Variants in ALPK2 observed in about 807,000 individuals in gnomAD.
ALPK2 encodes the protein alpha-protein kinase 2.
Under a neutral mutation model 163.1 loss-of-function variants are expected in ALPK2, and 127 were observed. The ratio of observed to expected loss-of-function variants is 0.78; its 90% CI spans 0.67 to 0.90. ALPK2 has a LOEUF of 0.90. Ranked by LOEUF, ALPK2 falls within the 40% of genes least tolerant of loss-of-function variation. The pLI is 0.00. For missense variants in ALPK2, 2,360 were observed against 2,589.6 expected (o/e 0.91, Z 1.92); for synonymous variants, 953 against 959.1 (o/e 0.99, Z 0.12).
intron 1 of ALPK2, among the ~76,000 whole-genome samples, 172 bp from the exon 2 acceptor site, chr18:58,611,989 G>T (rs965646336): frequency 3.3e-5 from 5 of 152,178 alleles, no homozygotes; most frequent in African/African-American, 1.2e-4. Flanking sequence ...CTGGTAGGTG[G>T]GCTGGATCCT....
rs74662894 is a variant in ALPK2, at chr18:58,518,365, G to A, written c.5666-1183C>T. Among the ~76,000 whole-genome samples the A allele has an allele frequency of 2.5e-3, 386 of 152,282 alleles. 14 individuals are homozygous for A. In the East Asian group the frequency reaches 0.068, roughly 27 times the overall value. ...ACTGCCAGAAAGAAAGAAAGGGAGT[G>A]GGGTTTGGTGGATTTTCAAACAGAA... On this transcript the variant is annotated intron_variant, in intron 8 of 12. Transcript: ENST00000361673.
In ALPK2 at chr18:58,524,062, A is replaced by G; in HGVS notation, c.5502T>C (p.Ser1834=). The change falls in exon 7 of 13, where the codon AGT becomes AGC. Residue 1834 remains serine, a splice_region_variant and synonymous_variant. Coordinates refer to ENST00000361673, the MANE Select transcript of ALPK2 (RefSeq NM_052947.4). ...AGGAAACAGTGGAGTTGTCCCCTGC[A>G]CTGCAATGAGGAATATTCACATTGA... The part of the protein sequence containing the change: ...DSKSIAQVQR[S]AGDNSTVSFA... 1 of 1,612,052 alleles carries G rather than the reference A, an allele frequency of 6.2e-7. No individual in the cohort carries two copies. Among genetic ancestry groups the G allele is most frequent in the East Asian group, 2.2e-5 (1 of 44,812 alleles).
chr18:58,616,205 T>TA (rs1488705097), intron 1 of ALPK2, among the ~76,000 whole-genome samples: 5 of 152,240 alleles, frequency 3.3e-5, no homozygotes, highest in Non-Finnish European at 7.3e-5. Context: ...GTTATGGTGT[T>TA]ATGATATATC....
At chr18:58,589,621 A>G (rs964545151) in intron 3 of ALPK2, among the ~76,000 whole-genome samples, 1 of 152,196 alleles carries the variant, frequency 6.6e-6, no homozygotes, top group African/African-American at 2.4e-5. Context: ...CAGTCCCTAC[A>G]TTTCAATCAT....
chr18:58,573,400 G>GTA (rs1456238199), intron 4 of ALPK2, among the ~76,000 whole-genome samples: 18 of 138,334 alleles, frequency 1.3e-4, no homozygotes, highest in African/African-American at 3.8e-4. Context: ...ATATATGTGT[G>GTA]TATATATATA....
intron 12 of ALPK2, among the ~76,000 whole-genome samples, chr18:58,492,820 G>A (rs191477317): frequency 2.1e-4 from 32 of 152,298 alleles, no homozygotes; most frequent in African/African-American, 7.7e-4. Context: ...AGACTTCTGG[G>A]TAGAGGCCAG....
chr18:58,579,993 C>T lies in ALPK2; in HGVS notation c.783G>A (p.Gln261=). 1 of 1,614,222 alleles carries T rather than the reference C, an allele frequency of 6.2e-7. No individual in the cohort carries two copies. The highest frequency in any genetic ancestry group is 8.5e-7 in the Non-Finnish European group (1 of 1,180,028). ...GPHDEGLRSS[Q]QNPKVQKYIS... is the part of the protein sequence containing the mutation. ...TGTATTTCTGTACTTTGGGATTTTG[C>T]TGACTAGAGCGTAAGCCTTCATCAT... The change falls in exon 4 of 13, where the codon CAG becomes CAA. Residue 261 remains glutamine, a synonymous_variant. Transcript: ENST00000361673.
chr18:58,560,158 G>T (rs1267715538), intron 4 of ALPK2, among the ~76,000 whole-genome samples: 1 of 152,214 alleles, frequency 6.6e-6, no homozygotes, highest in African/African-American at 2.4e-5. Context: ...TATGGGGGCA[G>T]TTCTTTCCCG....
intron 4 of ALPK2, among the ~76,000 whole-genome samples, chr18:58,567,123 T>C (rs7227745): frequency 0.33 from 50,428 of 151,036 alleles, 8,593 homozygotes; most frequent in East Asian, 0.42. Flanking sequence ...CGGTGGCTCA[T>C]GTCTATAATC....
intron 4 of ALPK2, among the ~76,000 whole-genome samples, chr18:58,577,127 C>T (rs2051926217): frequency 1.3e-5 from 2 of 152,158 alleles, no homozygotes; most frequent in Non-Finnish European, 2.9e-5. Context: ...CAGAAATGGC[C>T]CATTTTACTT....
At position 58,578,736 on chromosome 18, in the gene ALPK2, A is replaced by ACACACACGTGCGCACGCGCGCG. The variant is rs773192836; in HGVS notation, c.1962+77_1962+78insCGCGCGCGTGCGCACGTGTGTG. 5.3e-6 allele frequency: 4 copies of ACACACACGTGCGCACGCGCGCG among 760,806 alleles called. No homozygotes were observed. The African/African-American group carries it at 5.6e-5, about 11-fold the overall frequency. The allele number at this position is 760,806 out of a possible 1,614,324, so 47.1% of individuals were successfully genotyped here. ...GTGAATGTGAAGTAAAGGAAGAGAC[A>ACACACACGTGCGCACGCGCGCG]CACACACACACACACACACACACAC... is the stretch of plus-strand genomic sequence containing the variant. On this transcript the variant is annotated intron_variant, in intron 4 of 12. Transcript: ENST00000361673.
At chr18:58,547,006 G>T (rs886792713) in intron 4 of ALPK2, among the ~76,000 whole-genome samples, 14 of 95,362 alleles carry the variant, frequency 1.5e-4, no homozygotes, top group Non-Finnish European at 3.6e-4. Context: ...ATGGAGTAGG[G>T]TGATGGAAAA....
chr18:58,572,903 C>T (rs2051893266), intron 4 of ALPK2, among the ~76,000 whole-genome samples: 1 of 152,134 alleles, frequency 6.6e-6, no homozygotes, highest in East Asian at 1.9e-4. Context: ...TAGATTGTAT[C>T]AATGTCAATA....
chr18:58,536,653 G>T lies in ALPK2; in HGVS notation c.3534C>A (p.Ser1178Arg). The change falls in exon 5 of 13, where the codon AGC (serine) becomes AGA (arginine). Residue 1178 changes from serine to arginine, a missense_variant. Physicochemically the swap from Ser to Arg is moderately radical, Grantham distance 110. Transcript: ENST00000361673. Reference protein sequence around the residue: ...NLVPTAHSPASSREGAGQRSG... With the variant: ...NLVPTAHSPARSREGAGQRSG... ...AGCGCTGCCCTGCTCCTTCCCTAGA[G>T]CTTGCGGGTGAGTGGGCCGTGGGCA... The T allele has an allele frequency of 6.2e-7, 1 of 1,614,166 alleles. No individual in the cohort carries two copies. Among genetic ancestry groups the T allele is most frequent in the Non-Finnish European group, 8.5e-7 (1 of 1,180,032 alleles).
intron 3 of ALPK2, among the ~76,000 whole-genome samples, chr18:58,590,234 A>G (rs1351661794): frequency 1.3e-5 from 2 of 152,056 alleles, no homozygotes; most frequent in East Asian, 3.8e-4. Flanking sequence ...AAAAAAAAAA[A>G]AAAAAAGATT....
intron 11 of ALPK2, among the ~76,000 whole-genome samples, chr18:58,498,637 A>C (rs1321646520): frequency 6.6e-6 from 1 of 152,174 alleles, no homozygotes; most frequent in East Asian, 1.9e-4. Flanking sequence ...GTGTGGTGAG[A>C]GGGACCCAGT....
chr18:58,604,992 C>A (rs2052090486), intron 3 of ALPK2, among the ~76,000 whole-genome samples: 1 of 152,216 alleles, frequency 6.6e-6, no homozygotes, highest in African/African-American at 2.4e-5. Context: ...AATCTCAATT[C>A]TTAACACATG....
At chr18:58,533,600 G>A (rs927902308) in intron 5 of ALPK2, among the ~76,000 whole-genome samples, 4 of 151,764 alleles carry the variant, frequency 2.6e-5, no homozygotes, top group Admixed American at 6.6e-5. Context: ...GACTACAGAC[G>A]TGCGCCACCA....
intron 5 of ALPK2, among the ~76,000 whole-genome samples, chr18:58,531,286 G>A (rs569993685): frequency 3.9e-5 from 6 of 151,938 alleles, no homozygotes; most frequent in African/African-American, 7.2e-5. Flanking sequence ...CCTAACTCCC[G>A]CCCCACCAGT....
Sources: allele counts gnomAD v4.1 joint callset (sites outside exome capture counted in the v4.1 genomes callset), GRCh38; gene constraint gnomAD v4.1.1; transcripts MANE v1.5; gene names NCBI Gene and HGNC (gene_info 2026-07-23, HGNC 2026-07-21).